KCNMA1: variants seen among roughly 807,000 people sequenced by gnomAD.
KCNMA1 encodes potassium calcium-activated channel subfamily M alpha 1.
In KCNMA1, 29 loss-of-function variants were observed where a neutral mutation model predicts 140.0. The ratio of observed to expected loss-of-function variants is 0.21; its 90% CI spans 0.15 to 0.28. The LOEUF (loss-of-function observed/expected upper bound fraction) is 0.28. Ranked by LOEUF, KCNMA1 falls within the 10% of genes least tolerant of loss-of-function variation. The probability of loss-of-function intolerance (pLI) is 1.00; values close to 1 mark genes in which losing one functional copy is unlikely to be tolerated. For synonymous variants in KCNMA1, 612 were observed against 611.9 expected (o/e 1.00, Z 0.00); for missense variants, 880 against 1,602.2 (o/e 0.55, Z 7.70).
intron 1 of KCNMA1, among the ~76,000 whole-genome samples, chr10:77,471,144 A>AAC (rs71028278): frequency 0.79 from 119,346 of 150,886 alleles, 47,407 homozygotes; most frequent in East Asian, 0.9. Context: ...CCACACACAT[A>AAC]ACAACTCACA....
chr10:77,450,809 A>G (rs1231384262), intron 1 of KCNMA1, among the ~76,000 whole-genome samples: 1 of 152,114 alleles, frequency 6.6e-6, no homozygotes, highest in East Asian at 1.9e-4. Flanking sequence ...CTGTGTCCCC[A>G]CTCAAATCTC....
chr10:76,991,378 A>G (rs2082723137), intron 19 of KCNMA1, among the ~76,000 whole-genome samples: 1 of 152,064 alleles, frequency 6.6e-6, no homozygotes, highest in Non-Finnish European at 1.5e-5. Context: ...CTTTCCCATA[A>G]TTTATCCTTC....
intron 2 of KCNMA1, among the ~76,000 whole-genome samples, chr10:77,295,798 A>AC (rs2074870338): frequency 6.8e-6 from 1 of 147,194 alleles, no homozygotes; most frequent in African/African-American, 2.6e-5. Context: ...AAAAAAAAAA[A>AC]AAAAAAAAAA....
At chr10:77,517,665 C>T (rs538349645) in intron 1 of KCNMA1, among the ~76,000 whole-genome samples, 32 of 152,264 alleles carry the variant, frequency 2.1e-4, no homozygotes, top group Non-Finnish European at 4.0e-4. Context: ...TCTCCCCCTC[C>T]GACTCCTGCC....
chr10:77,605,122 G>C (rs375456392), intron 1 of KCNMA1, among the ~76,000 whole-genome samples: 2 of 152,254 alleles, frequency 1.3e-5, no homozygotes, highest in African/African-American at 4.8e-5. Context: ...GAACCACAGA[G>C]GGACATCCCT....
At chr10:77,501,401 C>T (rs950266763) in intron 1 of KCNMA1, among the ~76,000 whole-genome samples, 15 of 152,334 alleles carry the variant, frequency 9.8e-5, no homozygotes, top group African/African-American at 3.4e-4. Context: ...GCACCCAATC[C>T]TCTGTGCATG....
chr10:77,038,701 G>T (rs997909099), intron 15 of KCNMA1, among the ~76,000 whole-genome samples: 1 of 152,032 alleles, frequency 6.6e-6, no homozygotes, highest in Non-Finnish European at 1.5e-5. Flanking sequence ...CACCACACTC[G>T]GCTAATTTTC....
At chr10:77,583,822 T>G (rs965048600) in intron 1 of KCNMA1, among the ~76,000 whole-genome samples, 19 of 152,184 alleles carry the variant, frequency 1.2e-4, no homozygotes, top group African/African-American at 4.1e-4. Flanking sequence ...CAACTCCACT[T>G]CCTAAAGGCT....
intron 2 of KCNMA1, among the ~76,000 whole-genome samples, chr10:77,276,801 T>A (rs1313467729): frequency 6.6e-6 from 1 of 152,134 alleles, no homozygotes; most frequent in African/African-American, 2.4e-5. Flanking sequence ...AATAATACTA[T>A]AAAATATTAA....
chr10:77,151,464 G>C (rs538583257), intron 5 of KCNMA1, among the ~76,000 whole-genome samples: 53 of 35,426 alleles, frequency 1.5e-3, no homozygotes, highest in African/African-American at 7.6e-3. Context: ...TTGACCTTGT[G>C]ATCTGCCCCC....
chr10:77,088,259 C>T (rs2096737771), intron 10 of KCNMA1, among the ~76,000 whole-genome samples: 1 of 151,998 alleles, frequency 6.6e-6, no homozygotes, highest in Non-Finnish European at 1.5e-5. Flanking sequence ...CCATGCCTGG[C>T]CATGATGAGC....
chr10:76,990,912 G>A (rs2082561443), intron 19 of KCNMA1, among the ~76,000 whole-genome samples: 1 of 152,190 alleles, frequency 6.6e-6, no homozygotes. Flanking sequence ...GGCTTGAGCA[G>A]AACAAACAGA....
At chr10:77,632,694 C>G (rs1472522935) in intron 1 of KCNMA1, among the ~76,000 whole-genome samples, 2 of 152,198 alleles carry the variant, frequency 1.3e-5, no homozygotes, top group Admixed American at 1.3e-4. Flanking sequence ...GGCTCAAAAA[C>G]TTTATTTGTT....
chr10:77,220,566 C>T (rs80298954), intron 3 of KCNMA1, among the ~76,000 whole-genome samples: 138 of 152,250 alleles, frequency 9.1e-4, no homozygotes, highest in Non-Finnish European at 1.3e-3. Flanking sequence ...AAATCTGGGT[C>T]GTTTTTGTGC....
intron 2 of KCNMA1, among the ~76,000 whole-genome samples, chr10:77,389,931 A>G (rs2095754664): frequency 6.6e-6 from 1 of 152,210 alleles, no homozygotes. Flanking sequence ...TGGGAGAGCC[A>G]TGCAGAGACA....
chr10:76,935,435 A>G (rs919017624), intron 23 of KCNMA1, among the ~76,000 whole-genome samples: 9 of 152,178 alleles, frequency 5.9e-5, no homozygotes, highest in Non-Finnish European at 1.2e-4. Context: ...TTGAAATCAG[A>G]TGTTTGGAGA....
chr10:77,088,792 A>C (rs1219167132), intron 10 of KCNMA1, among the ~76,000 whole-genome samples: 1 of 152,200 alleles, frequency 6.6e-6, no homozygotes. Flanking sequence ...GAATCTGACC[A>C]GTCTTTCAGA....
At chr10:77,447,905 G>T (rs1027001819) in intron 1 of KCNMA1, among the ~76,000 whole-genome samples, 3 of 152,230 alleles carry the variant, frequency 2.0e-5, no homozygotes, top group Admixed American at 1.3e-4. Flanking sequence ...TAGAGACGCA[G>T]TTAAAACAAC....
downstream of KCNMA1, among the ~76,000 whole-genome samples, chr10:76,883,456 T>C (rs931877320): frequency 2.6e-5 from 4 of 152,192 alleles, no homozygotes; most frequent in Non-Finnish European, 4.4e-5. Context: ...CCATTTGAAC[T>C]GGCTTTGGGA....
Sources: gnomAD v4.1 joint callset for allele counts (sites outside exome capture counted in the v4.1 genomes callset) on GRCh38, gnomAD v4.1.1 for gene constraint, MANE v1.5 for transcripts, NCBI Gene and HGNC (gene_info 2026-07-23, HGNC 2026-07-21) for gene names.